Variants in TRMT11 observed in about 807,000 individuals in gnomAD.
TRMT11 encodes the protein tRNA methyltransferase 11, also known as tRNA (guanine(10)-N(2))-methyltransferase TRMT11.
A neutral mutation model predicts 62.8 loss-of-function variants in TRMT11; 53 were observed. The observed-to-expected ratio is 0.84, with a 90% CI of 0.68 to 1.06. TRMT11 has a LOEUF of 1.06. Among genes scored for constraint, TRMT11 ranks in the 50% least tolerant of loss-of-function variants. The pLI, the probability that TRMT11 is intolerant of heterozygous loss-of-function variation, is 0.00. For missense variants in TRMT11, 556 were observed against 553.4 expected, an observed-to-expected ratio of 1.00 and a Z score of -0.05; for synonymous variants, 188 against 190.3, an observed-to-expected ratio of 0.99 and a Z score of 0.10.
chr6:126,142,364 T>C lies in TRMT11; in HGVS notation c.*1823+26509T>C, dbSNP rs181697192. On this transcript the variant is annotated intron_variant and NMD_transcript_variant, in intron 21 of 22. Coordinates refer to the TRMT11 transcript ENST00000648977. Reference sequence around the variant, plus strand: ...AATATCAGATATATTGTGATCACTTTCATGGCATTTGAGTTTGATTTGTAT... The same window carrying C: ...AATATCAGATATATTGTGATCACTTCCATGGCATTTGAGTTTGATTTGTAT... Among the ~76,000 whole-genome samples the C allele has an allele frequency of 1.9e-3, 287 of 152,242 alleles. 2 individuals carry two copies. The highest frequency in any genetic ancestry group is 1.1e-3 in the Non-Finnish European group (78 of 67,970).
chr6:126,011,229 C>A, intron 8 of TRMT11, 24 bp from the exon 9 acceptor site: 1 of 1,593,906 alleles, frequency 6.3e-7, no homozygotes, highest in Non-Finnish European at 8.6e-7. Context: ...AATACTTTCT[C>A]TCTTCCTTTT....
intron 21 of TRMT11, among the ~76,000 whole-genome samples, chr6:126,153,431 T>G (rs1301653379): frequency 1.3e-5 from 2 of 152,232 alleles, no homozygotes; most frequent in Non-Finnish European, 2.9e-5. Context: ...CCTGAGACAT[T>G]TAATTTAGTT....
intron 1 of TRMT11, among the ~76,000 whole-genome samples, chr6:125,989,842 T>G: frequency 6.6e-6 from 1 of 152,200 alleles, no homozygotes; most frequent in East Asian, 1.9e-4. Flanking sequence ...CACCTAGTCC[T>G]TAGTGCTGCC....
At chr6:126,141,587 C>A (rs1344219550) in intron 21 of TRMT11, among the ~76,000 whole-genome samples, 3 of 152,080 alleles carry the variant, frequency 2.0e-5, no homozygotes, top group Non-Finnish European at 4.4e-5. Context: ...GAAGAATGGT[C>A]AGGAGATGAG....
intron 7 of TRMT11, among the ~76,000 whole-genome samples, chr6:126,000,550 A>G (rs1792300953): frequency 1.3e-5 from 2 of 152,118 alleles, no homozygotes; most frequent in South Asian, 2.1e-4. Flanking sequence ...GTTATACAGT[A>G]TATTGGTTTC....
chr6:126,015,522 A>G (rs922111700), intron 11 of TRMT11, among the ~76,000 whole-genome samples: 2 of 152,036 alleles, frequency 1.3e-5, no homozygotes, highest in African/African-American at 4.8e-5. Flanking sequence ...CCAGCCTATC[A>G]CTAATCTTTT....
At chr6:125,995,888 C>T (rs938032033) in intron 2 of TRMT11, 79 bp from the exon 3 acceptor site, 14 of 850,096 alleles carry the variant, frequency 1.6e-5, no homozygotes, top group African/African-American at 1.2e-4. Context: ...AGGCACTTCT[C>T]CTTATTGACT....
intron 17 of TRMT11, among the ~76,000 whole-genome samples, chr6:126,073,745 G>T (rs1000599626): frequency 4.6e-5 from 7 of 152,032 alleles, no homozygotes; most frequent in Non-Finnish European, 4.4e-5. Context: ...CAGTGTCTTA[G>T]GGAGGACTCT....
chr6:126,040,508 A>G (rs1775844873), downstream of TRMT11, among the ~76,000 whole-genome samples: 1 of 152,032 alleles, frequency 6.6e-6, no homozygotes, highest in Non-Finnish European at 1.5e-5. Flanking sequence ...TTAACGAGAG[A>G]GTTTTATTTT....
chr6:125,992,683 A>G (rs1200999932), intron 1 of TRMT11, among the ~76,000 whole-genome samples: 2 of 152,222 alleles, frequency 1.3e-5, no homozygotes, highest in Non-Finnish European at 2.9e-5. Context: ...CCACATCGCT[A>G]GTATTTGGAA....
At position 126,018,435 on chromosome 6, in the gene TRMT11, C is replaced by T. The variant is rs150708849; in HGVS notation, c.1140-2725C>T. Among the ~76,000 whole-genome samples, 226 of 151,756 alleles carry T rather than the reference C, an allele frequency of 1.5e-3. 1 individual carries two copies. The highest frequency in any genetic ancestry group is 6.6e-3 in the Admixed American group (101 of 15,220). On this transcript the variant is annotated intron_variant, in intron 11 of 12. Coordinates refer to ENST00000334379, the MANE Select transcript of TRMT11 (RefSeq NM_001031712.3). ...AAATGAGTGACAGTCAAAATTGATT[C>T]GTGGAAAATCTAGGGGCCTATGTAC... is the stretch of plus-strand genomic sequence containing the variant.
chr6:126,254,771 C>T, the TRMT11 span, among the ~76,000 whole-genome samples: 2 of 152,100 alleles, frequency 1.3e-5, no homozygotes, highest in Non-Finnish European at 1.5e-5. Flanking sequence ...ATGCCATTAG[C>T]TCATCTTGTT....
At chr6:126,131,519 C>T (rs1025230616) in intron 21 of TRMT11, among the ~76,000 whole-genome samples, 4 of 151,990 alleles carry the variant, frequency 2.6e-5, no homozygotes, top group South Asian at 2.1e-4. Flanking sequence ...AGTTACACCA[C>T]GCCTTTAAAA....
chr6:126,210,852 A>G, the TRMT11 span, among the ~76,000 whole-genome samples: 2 of 152,186 alleles, frequency 1.3e-5, no homozygotes, highest in Non-Finnish European at 2.9e-5. Flanking sequence ...TATCAAATCC[A>G]TCACAAATTC....
At chr6:126,245,236 T>A in the TRMT11 span, among the ~76,000 whole-genome samples, 96 of 152,340 alleles carry the variant, frequency 6.3e-4, no homozygotes, top group African/African-American at 2.2e-3. Flanking sequence ...TTGTGTTTAG[T>A]ATACCACTTT....
the TRMT11 span, among the ~76,000 whole-genome samples, chr6:126,218,771 T>C: frequency 6.6e-6 from 1 of 152,208 alleles, no homozygotes; most frequent in Non-Finnish European, 1.5e-5. Flanking sequence ...CACAGCACCA[T>C]AACTTGCCCA....
chr6:126,152,269 TAA>T (rs398002786), intron 21 of TRMT11, among the ~76,000 whole-genome samples: 1,390 of 134,500 alleles, frequency 0.01, 18 homozygotes, highest in African/African-American at 0.032. Context: ...ACCAAATGGC[TAA>T]AAAAAAAAAA....
chr6:126,193,488 GTA>G (rs1229138090), intron 1 of TRMT11, among the ~76,000 whole-genome samples: 1,289 of 117,990 alleles, frequency 0.011, 149 homozygotes, highest in African/African-American at 0.046. Flanking sequence ...GAGCGTTTCT[GTA>G]TTTTTTTTTT....
chr6:126,175,597 T>G (rs1291509032), upstream of TRMT11, among the ~76,000 whole-genome samples: 4 of 152,230 alleles, frequency 2.6e-5, no homozygotes, highest in Non-Finnish European at 5.9e-5. Flanking sequence ...TATTTCATTA[T>G]GTTTGCTCTG....
Sources: allele counts gnomAD v4.1 joint callset (sites outside exome capture counted in the v4.1 genomes callset), GRCh38; gene constraint gnomAD v4.1.1; transcripts MANE v1.5; gene names NCBI Gene and HGNC (gene_info 2026-07-23, HGNC 2026-07-21).